Variants in RFX3 observed in about 807,000 individuals in gnomAD.
RFX3 encodes the protein transcription factor RFX3.
RFX3 carries 14 observed loss-of-function variants against 98.6 expected under a neutral mutation model. That is an observed-to-expected ratio of 0.14 (90% CI 0.09 to 0.22). The LOEUF (loss-of-function observed/expected upper bound fraction) is 0.22, where lower values mean the gene tolerates loss of function less well. RFX3 is among the 10% of genes least tolerant of loss of function. The pLI is 1.00. For missense variants in RFX3, 639 were observed against 926.9 expected (o/e 0.69, Z 4.03); for synonymous variants, 383 against 328.4 (o/e 1.17, Z -1.80).
At chr9:3,494,732 T>C (rs528632236) in intron 1 of RFX3, among the ~76,000 whole-genome samples, 5 of 152,308 alleles carry the variant, frequency 3.3e-5, no homozygotes, top group African/African-American at 1.2e-4. Flanking sequence ...ACTATGGAAC[T>C]GGTGTACATT....
At chr9:3,241,056 T>A (rs1314677033) in intron 15 of RFX3, among the ~76,000 whole-genome samples, 2 of 152,230 alleles carry the variant, frequency 1.3e-5, no homozygotes, top group African/African-American at 4.8e-5. Context: ...TTGAAATATT[T>A]TAAAAAGTCT....
chr9:3,335,196 C>T (rs1157683781), intron 3 of RFX3, among the ~76,000 whole-genome samples: 1 of 151,932 alleles, frequency 6.6e-6, no homozygotes, highest in African/African-American at 2.4e-5. Flanking sequence ...AAGCATGAAC[C>T]CACTTGTTCG....
intron 4 of RFX3, among the ~76,000 whole-genome samples, chr9:3,303,408 A>C (rs948994691): frequency 3.3e-5 from 5 of 151,932 alleles, no homozygotes; most frequent in African/African-American, 1.2e-4. Flanking sequence ...GAATTTGCTC[A>C]AAACCCTAAT....
intron 14 of RFX3, among the ~76,000 whole-genome samples, chr9:3,252,235 T>A (rs1391264599): frequency 6.6e-6 from 1 of 152,240 alleles, no homozygotes; most frequent in African/African-American, 2.4e-5. Context: ...ATTTAGCAGA[T>A]ATTTATTGTG....
intron 1 of RFX3, among the ~76,000 whole-genome samples, chr9:3,410,006 C>G (rs961499096): frequency 1.3e-5 from 2 of 152,072 alleles, no homozygotes; most frequent in African/African-American, 4.8e-5. Context: ...GCCTGACAGA[C>G]GCGCAAAGTG....
chr9:3,420,818 T>C (rs539578106), intron 1 of RFX3: 475 of 985,340 alleles, frequency 4.8e-4, no homozygotes, highest in Middle Eastern at 1.6e-3. Flanking sequence ...TTTCTTCAGA[T>C]GATCCAAGAT....
intron 2 of RFX3, among the ~76,000 whole-genome samples, chr9:3,375,280 T>C (rs531197023): frequency 1.1e-4 from 16 of 152,324 alleles, no homozygotes; most frequent in Non-Finnish European, 2.1e-4. Flanking sequence ...TACACTCTGG[T>C]CAGACAGCTA....
At chr9:3,379,231 G>C (rs1838907334) in intron 2 of RFX3, among the ~76,000 whole-genome samples, 1 of 152,166 alleles carries the variant, frequency 6.6e-6, no homozygotes, top group African/African-American at 2.4e-5. Flanking sequence ...TAATGAAAAA[G>C]TCTGTGAAGG....
At chr9:3,306,602 G>C (rs1183731457) in intron 4 of RFX3, among the ~76,000 whole-genome samples, 3 of 135,438 alleles carry the variant, frequency 2.2e-5, no homozygotes, top group African/African-American at 8.1e-5. Context: ...GACTGTTGTG[G>C]GGTGGGGGGA....
At chr9:3,334,298 G>A (rs1040542665) in intron 3 of RFX3, among the ~76,000 whole-genome samples, 42 of 141,490 alleles carry the variant, frequency 3.0e-4, no homozygotes, top group African/African-American at 1.0e-3. Flanking sequence ...ACTTGCAATT[G>A]TAAAGAAGCC....
Position 3,440,732 on chromosome 9 carries a change from A to G in RFX3, c.-8-45136T>C, listed in dbSNP as rs77029887. On this transcript the variant is annotated intron_variant, in intron 1 of 16. Coordinates refer to ENST00000617270, the MANE Select transcript of RFX3 (RefSeq NM_001282116.2). ...GCTTTTTCACAGAAATTGACAAGTTAACTCTAAAATTCATATGGAAATCCA... is the reference window on the plus strand; with the variant it reads ...GCTTTTTCACAGAAATTGACAAGTTGACTCTAAAATTCATATGGAAATCCA... Among the ~76,000 whole-genome samples the G allele has an allele frequency of 8.9e-3, 1,361 of 152,288 alleles. 21 individuals are homozygous for G. The highest frequency in any genetic ancestry group is 0.031 in the African/African-American group (1,300 of 41,568).
intron 2 of RFX3, among the ~76,000 whole-genome samples, chr9:3,353,203 AG>A (rs1835363076): frequency 1.5e-5 from 1 of 66,782 alleles, no homozygotes; most frequent in African/African-American, 6.0e-5. Context: ...GTTGTGGGGT[AG>A]GGGGAGGGGG....
chr9:3,275,052 C>CT (rs1172573291), intron 9 of RFX3, among the ~76,000 whole-genome samples: 5 of 151,812 alleles, frequency 3.3e-5, no homozygotes, highest in African/African-American at 1.2e-4. Flanking sequence ...GTTGCCTATT[C>CT]TTTTGATGGC....
Position 3,369,995 on chromosome 9 carries a change from A to ATTTTT in RFX3, c.118-23236_118-23232dup, listed in dbSNP as rs71324244. On this transcript the variant is annotated intron_variant, in intron 2 of 16. Transcript: ENST00000617270. ...AGGCGCCCGCCACTACGCCCGGCTAATTTTTTTTTTTTTTTTTTTGTATTT... is the reference window on the plus strand; with the variant it reads ...AGGCGCCCGCCACTACGCCCGGCTAATTTTTTTTTTTTTTTTTTTTTTTTGTATTT... Among the ~76,000 whole-genome samples, 709 of 132,558 alleles carry ATTTTT rather than the reference A, an allele frequency of 5.3e-3. 5 individuals carry two copies. The highest frequency in any genetic ancestry group is 0.019 in the African/African-American group (647 of 34,042). The allele number at this position is 132,558 out of a possible 152,430, so 87.0% of individuals were successfully genotyped here. A position where few individuals can be genotyped will look rare whatever the true frequency, so the allele number is the denominator to read the frequency against.
intron 4 of RFX3, among the ~76,000 whole-genome samples, chr9:3,306,508 A>G (rs1435358770): frequency 6.6e-6 from 1 of 150,534 alleles, no homozygotes; most frequent in East Asian, 2.0e-4. Flanking sequence ...TCTTGCTGTT[A>G]CAGTTTGACA....
At chr9:3,305,268 G>A (rs1250805189) in intron 4 of RFX3, among the ~76,000 whole-genome samples, 2 of 152,002 alleles carry the variant, frequency 1.3e-5, no homozygotes, top group Non-Finnish European at 2.9e-5. Context: ...AGTAGATAAT[G>A]TATGCGGGAA....
intron 1 of RFX3, among the ~76,000 whole-genome samples, chr9:3,419,156 C>T (rs1285037718): frequency 1.3e-5 from 2 of 152,082 alleles, no homozygotes; most frequent in African/African-American, 4.8e-5. Flanking sequence ...AAAACAACAA[C>T]ATATATGTGG....
chr9:3,242,619 G>A (rs1820112504), intron 15 of RFX3, among the ~76,000 whole-genome samples: 1 of 151,902 alleles, frequency 6.6e-6, no homozygotes, highest in Non-Finnish European at 1.5e-5. Context: ...TCCACCAAAT[G>A]GAATTCTTTC....
intron 2 of RFX3, among the ~76,000 whole-genome samples, chr9:3,378,512 G>C (rs1380385732): frequency 6.7e-6 from 1 of 148,954 alleles, no homozygotes; most frequent in Non-Finnish European, 1.5e-5. Context: ...AAAATAAATA[G>C]AAATAAAAAT....
Sources: gnomAD v4.1 joint callset for allele counts (sites outside exome capture counted in the v4.1 genomes callset) on GRCh38, gnomAD v4.1.1 for gene constraint, MANE v1.5 for transcripts, NCBI Gene and HGNC (gene_info 2026-07-23, HGNC 2026-07-21) for gene names.